The following BAALC variants were observed in gnomAD, a reference collection of about 807,000 sequenced individuals.
BAALC encodes the protein brain and acute leukemia cytoplasmic protein.
In BAALC, 9 loss-of-function variants were observed where a neutral mutation model predicts 15.5. The observed-to-expected ratio is 0.58, with a 90% CI of 0.35 to 1.02. The LOEUF (loss-of-function observed/expected upper bound fraction) is 1.02. Among genes scored for constraint, BAALC ranks in the 50% least tolerant of loss-of-function variants. The probability of loss-of-function intolerance (pLI) is 0.02; values close to 1 mark genes in which losing one functional copy is unlikely to be tolerated. For missense variants in BAALC, 201 were observed against 192.4 expected (o/e 1.04, Z -0.27); for synonymous variants, 80 against 74.6 (o/e 1.07, Z -0.37).
In BAALC at chr8:103,228,448, G is replaced by A. The variant is rs541720411; in HGVS notation, c.*349G>A. The A allele has an allele frequency of 2.6e-4, 51 of 193,592 alleles. No homozygotes were observed. In the South Asian group the frequency reaches 6.3e-3, roughly 24 times the overall value. The allele number at this position is 193,592 out of a possible 1,614,324, so 12.0% of individuals were successfully genotyped here. A position where few individuals can be genotyped will look rare whatever the true frequency, so the allele number is the denominator to read the frequency against. On this transcript the variant is annotated 3_prime_UTR_variant, in exon 3 of 3. Coordinates refer to ENST00000309982, the MANE Select transcript of BAALC (RefSeq NM_024812.3). ...ACAGAAAAGTAGGAATGCATTTTCT[G>A]GGTGAAAGAGTCACACCTTAGTGCT...
chr8:103,173,050 T>C (rs1016091941), intron 1 of BAALC, among the ~76,000 whole-genome samples: 9 of 152,242 alleles, frequency 5.9e-5, no homozygotes, highest in African/African-American at 2.2e-4. Flanking sequence ...AAAGATACAT[T>C]TGCTTATTTT....
At chr8:103,147,872 G>A (rs1437883934) in intron 1 of BAALC, among the ~76,000 whole-genome samples, 3 of 152,142 alleles carry the variant, frequency 2.0e-5, no homozygotes, top group African/African-American at 7.2e-5. Flanking sequence ...CAGACTCGAG[G>A]GGTTTACCCT....
chr8:103,145,357 A>G (rs1397962123), intron 1 of BAALC, among the ~76,000 whole-genome samples: 1 of 152,228 alleles, frequency 6.6e-6, no homozygotes, highest in African/African-American at 2.4e-5. Flanking sequence ...TGGCTGTCAC[A>G]TCTCTTACCA....
At chr8:103,199,710 G>A (rs1279581976) in intron 1 of BAALC, among the ~76,000 whole-genome samples, 1 of 151,636 alleles carries the variant, frequency 6.6e-6, no homozygotes, top group East Asian at 1.9e-4. Flanking sequence ...TGTTACACAG[G>A]TAAACTTGTG....
At chr8:103,167,721 T>C (rs116526337) in intron 1 of BAALC, among the ~76,000 whole-genome samples, 2,267 of 152,168 alleles carry the variant, frequency 0.015, 60 homozygotes, top group African/African-American at 0.052. Context: ...ATGCAAGCCA[T>C]GAGTGAGGGG....
intron 2 of BAALC, among the ~76,000 whole-genome samples, chr8:103,226,762 A>T (rs1462505647): frequency 6.6e-6 from 1 of 152,014 alleles, no homozygotes; most frequent in Non-Finnish European, 1.5e-5. Flanking sequence ...TTTTAAGCTT[A>T]TTTTTTTCCC....
At chr8:103,142,210 T>A (rs898801091) in intron 1 of BAALC, among the ~76,000 whole-genome samples, 9 of 152,268 alleles carry the variant, frequency 5.9e-5, no homozygotes, top group Non-Finnish European at 1.2e-4. Context: ...CCATGCCTAC[T>A]AAATAGAGCT....
At chr8:103,207,142 C>G (rs1812349210) in intron 1 of BAALC, among the ~76,000 whole-genome samples, 1 of 151,416 alleles carries the variant, frequency 6.6e-6, no homozygotes, top group Non-Finnish European at 1.5e-5. Context: ...CTAATAGCAT[C>G]TGTTGGAAGG....
intron 1 of BAALC, among the ~76,000 whole-genome samples, chr8:103,184,714 T>C (rs1159511570): frequency 6.6e-6 from 1 of 152,160 alleles, no homozygotes; most frequent in Non-Finnish European, 1.5e-5. Context: ...TAGTAAAAAG[T>C]CATCTTCTGA....
chr8:103,147,921 C>A (rs1250553418), intron 1 of BAALC, among the ~76,000 whole-genome samples: 1 of 152,192 alleles, frequency 6.6e-6, no homozygotes, highest in Non-Finnish European at 1.5e-5. Context: ...GCTTGGCTAC[C>A]AGGAACGCTT....
intron 1 of BAALC, among the ~76,000 whole-genome samples, chr8:103,159,713 T>A (rs902739548): frequency 2.0e-5 from 3 of 152,204 alleles, no homozygotes; most frequent in African/African-American, 7.2e-5. Context: ...TAGTCCTGGC[T>A]TTCTGGTATG....
At chr8:103,158,443 A>G (rs560856991) in intron 1 of BAALC, among the ~76,000 whole-genome samples, 1 of 152,300 alleles carries the variant, frequency 6.6e-6, no homozygotes, top group East Asian at 1.9e-4. Flanking sequence ...TCTTTATTAA[A>G]TAGAGAACTT....
chr8:103,142,733 G>T (rs978826536), intron 1 of BAALC, among the ~76,000 whole-genome samples: 2 of 152,154 alleles, frequency 1.3e-5, no homozygotes, highest in Non-Finnish European at 1.5e-5. Flanking sequence ...GTATGAAAGA[G>T]TTATTATGGG....
At chr8:103,180,705 G>A (rs762146672) in intron 1 of BAALC, among the ~76,000 whole-genome samples, 2 of 152,168 alleles carry the variant, frequency 1.3e-5, no homozygotes, top group African/African-American at 2.4e-5. Flanking sequence ...CCAGTTCTTT[G>A]GGATTCAGCA....
intron 1 of BAALC, among the ~76,000 whole-genome samples, chr8:103,211,353 C>T (rs1164854287): frequency 1.3e-5 from 2 of 152,180 alleles, no homozygotes; most frequent in Non-Finnish European, 2.9e-5. Context: ...CTCTTTCTGT[C>T]TATCGTGTTA....
At position 103,140,758 on chromosome 8, in the gene BAALC, C is replaced by T; in HGVS notation, c.-140C>T. The T allele has an allele frequency of 1.4e-6, 1 of 699,774 alleles. No homozygotes were observed. Among genetic ancestry groups the T allele is most frequent in the Non-Finnish European group, 1.9e-6 (1 of 529,170 alleles). The allele number at this position is 699,774 out of a possible 1,614,324, so 43.3% of individuals were successfully genotyped here. ...GGCGGCGGGCACCGCAGGAGCTCCG[C>T]GCGGCTGCAGCGCGGGCGGGAGCGG... is the stretch of plus-strand genomic sequence containing the variant. On this transcript the variant is annotated 5_prime_UTR_variant, in exon 1 of 3. Coordinates refer to ENST00000309982, the MANE Select transcript of BAALC (RefSeq NM_024812.3). The surrounding 1 kb of genome is among the most constrained non-coding windows in gnomAD (Gnocchi z 4.2).
At chr8:103,172,886 T>C (rs1156596283) in intron 1 of BAALC, among the ~76,000 whole-genome samples, 1 of 152,240 alleles carries the variant, frequency 6.6e-6, no homozygotes, top group Admixed American at 6.5e-5. Context: ...TTACTCCTTA[T>C]AGCTTATAAA....
At chr8:103,225,516 G>A (rs1049906262) in intron 2 of BAALC, among the ~76,000 whole-genome samples, 3 of 152,282 alleles carry the variant, frequency 2.0e-5, no homozygotes, top group African/African-American at 7.2e-5. Flanking sequence ...AAACCTGCAT[G>A]GTAATGGAGG....
chr8:103,171,228 GGACA>G (rs370419040), intron 1 of BAALC, among the ~76,000 whole-genome samples: 12,790 of 123,630 alleles, frequency 0.1, 741 homozygotes, highest in Middle Eastern at 0.17. Context: ...AAGCAAGGAA[GGACA>G]GAAAGAAAGA....
Sources: allele counts gnomAD v4.1 joint callset (sites outside exome capture counted in the v4.1 genomes callset), GRCh38; gene constraint gnomAD v4.1.1; non-coding constraint Gnocchi (gnomAD v3.1); transcripts MANE v1.5; gene names NCBI Gene and HGNC (gene_info 2026-07-23, HGNC 2026-07-21).